Variants in TFPI observed in about 807,000 individuals in gnomAD.
TFPI encodes the protein anti-convertin.
TFPI carries 15 observed loss-of-function variants against 34.6 expected under a neutral mutation model. The observed-to-expected ratio is 0.43, with a 90% CI of 0.29 to 0.67. TFPI has a LOEUF of 0.67. Among genes scored for constraint, TFPI ranks in the 30% least tolerant of loss-of-function variants. The pLI, the probability that TFPI is intolerant of heterozygous loss-of-function variation, is 0.15. For missense variants in TFPI, 301 were observed against 364.0 expected (o/e 0.83, Z 1.41); for synonymous variants, 105 against 120.1 (o/e 0.87, Z 0.82).
chr2:187,500,631 T>A (rs1023396747), intron 2 of TFPI, among the ~76,000 whole-genome samples: 1 of 152,218 alleles, frequency 6.6e-6, no homozygotes, highest in African/African-American at 2.4e-5. Context: ...TATTAACTTT[T>A]ATGAATTATA....
chr2:187,473,255 G>C (rs8176565), intron 6 of TFPI, among the ~76,000 whole-genome samples: 7,209 of 152,110 alleles, frequency 0.047, 224 homozygotes, highest in South Asian at 0.12. Context: ...TCAGTTGGGA[G>C]GATGATTACT....
At chr2:187,540,628 G>A (rs1004895464) in intron 1 of TFPI, among the ~76,000 whole-genome samples, 26 of 152,014 alleles carry the variant, frequency 1.7e-4, no homozygotes, top group Non-Finnish European at 2.8e-4. Flanking sequence ...GGTGGCTCAC[G>A]CTTGTAATCC....
chr2:187,469,333 C>T (rs1691898826), intron 6 of TFPI, among the ~76,000 whole-genome samples: 1 of 152,022 alleles, frequency 6.6e-6, no homozygotes, highest in South Asian at 2.1e-4. Flanking sequence ...TTTAGTTTTA[C>T]TTAGGTCTTT....
chr2:187,526,252 A>G (rs1687670664), intron 1 of TFPI, among the ~76,000 whole-genome samples: 1 of 152,138 alleles, frequency 6.6e-6, no homozygotes, highest in African/African-American at 2.4e-5. Flanking sequence ...ACCGAGAGAC[A>G]TTTTTGTTTG....
intron 6 of TFPI, among the ~76,000 whole-genome samples, chr2:187,479,546 CATATATATATATATAT>C (rs35837997): frequency 0.014 from 878 of 63,310 alleles, 28 homozygotes; most frequent in African/African-American, 0.045. Context: ...ATATCACGTT[CATATATATATATATAT>C]ATATATATAT....
intron 1 of TFPI, chr2:187,514,460 C>T (rs976603165): frequency 6.6e-6 from 1 of 152,230 alleles, no homozygotes; most frequent in African/African-American, 2.4e-5. Flanking sequence ...GGTCAGCCCT[C>T]GAGGGCCATC....
chr2:187,485,703 C>G (rs1279221568), intron 4 of TFPI, among the ~76,000 whole-genome samples: 1 of 151,626 alleles, frequency 6.6e-6, no homozygotes, highest in East Asian at 1.9e-4. Context: ...CTAAACACAG[C>G]TGTCATAAAA....
intron 3 of TFPI, 39 bp downstream of exon 3, chr2:187,496,842 C>A: frequency 6.3e-7 from 1 of 1,574,902 alleles, no homozygotes; most frequent in Non-Finnish European, 8.7e-7. Context: ...CTCAATAGCC[C>A]TAAAGGGTCT....
chr2:187,503,606 G>A (rs762796212), intron 2 of TFPI, 42 bp downstream of exon 2: 1 of 1,595,328 alleles, frequency 6.3e-7, no homozygotes, highest in East Asian at 2.2e-5. Context: ...AAAATTGAGA[G>A]CTTTAACTAG....
intron 1 of TFPI, among the ~76,000 whole-genome samples, chr2:187,504,551 TC>T (rs1365938888): frequency 6.9e-6 from 1 of 145,702 alleles, no homozygotes; most frequent in African/African-American, 2.5e-5. Flanking sequence ...TGTTTAAAGA[TC>T]TATCGCCAAA....
At chr2:187,535,005 T>C (rs117208242) in intron 1 of TFPI, among the ~76,000 whole-genome samples, 20,040 of 151,984 alleles carry the variant, frequency 0.13, 1,528 homozygotes, top group East Asian at 0.32. Flanking sequence ...CATTACATAA[T>C]GGTAAAGGAA....
intron 6 of TFPI, among the ~76,000 whole-genome samples, chr2:187,480,308 C>T (rs1039401687): frequency 2.6e-4 from 40 of 151,926 alleles, no homozygotes; most frequent in African/African-American, 8.9e-4. Context: ...CTCTGAATCA[C>T]ATGGATAATA....
chr2:187,505,812 T>C (rs1406503234), intron 1 of TFPI, among the ~76,000 whole-genome samples: 2 of 152,048 alleles, frequency 1.3e-5, no homozygotes, highest in Non-Finnish European at 2.9e-5. Context: ...GAAAATGTAA[T>C]AGCATGGCAA....
chr2:187,480,709 A>G (rs972077410), intron 6 of TFPI, among the ~76,000 whole-genome samples: 2 of 152,132 alleles, frequency 1.3e-5, no homozygotes, highest in African/African-American at 2.4e-5. Context: ...AACTACATGG[A>G]TATACTCAAC....
At chr2:187,476,475 G>C (rs1692384073) in intron 6 of TFPI, among the ~76,000 whole-genome samples, 1 of 151,940 alleles carries the variant, frequency 6.6e-6, no homozygotes, top group African/African-American at 2.4e-5. Context: ...GAATAAGTGG[G>C]TCTACGATCA....
intron 1 of TFPI, among the ~76,000 whole-genome samples, chr2:187,539,135 A>G (rs556437001): frequency 1.3e-5 from 2 of 151,832 alleles, no homozygotes; most frequent in Non-Finnish European, 2.9e-5. Context: ...AACTTTATCA[A>G]TTGTTCATAT....
intron 6 of TFPI, among the ~76,000 whole-genome samples, chr2:187,469,677 A>C (rs1691922172): frequency 6.6e-6 from 1 of 152,110 alleles, no homozygotes; most frequent in Admixed American, 6.6e-5. Flanking sequence ...TGTCATCTTC[A>C]TGTTGTACAT....
intron 2 of TFPI, among the ~76,000 whole-genome samples, chr2:187,497,758 C>A (rs369556379): frequency 3.3e-5 from 5 of 151,650 alleles, no homozygotes; most frequent in East Asian, 3.9e-4. Context: ...AATTTTCTAT[C>A]CTGGGAATGG....
intron 6 of TFPI, among the ~76,000 whole-genome samples, chr2:187,469,055 A>G (rs909031904): frequency 3.9e-5 from 6 of 152,120 alleles, no homozygotes; most frequent in African/African-American, 9.7e-5. Context: ...AACAGACTGT[A>G]AAAGAAAAGA....
Sources: allele counts gnomAD v4.1 joint callset (sites outside exome capture counted in the v4.1 genomes callset), GRCh38; gene constraint gnomAD v4.1.1; transcripts MANE v1.5; gene names NCBI Gene and HGNC (gene_info 2026-07-23, HGNC 2026-07-21).